Variants in TRAPPC9 observed in about 807,000 individuals in gnomAD.
TRAPPC9 encodes the protein trafficking protein particle complex subunit 9, also known as IKK2 binding protein.
TRAPPC9 carries 83 observed loss-of-function variants against 124.0 expected under a neutral mutation model. The observed-to-expected ratio is 0.67, with a 90% confidence interval of 0.56 to 0.80. TRAPPC9 has a LOEUF of 0.80. TRAPPC9 is among the 30% of genes least tolerant of loss of function. The probability of loss-of-function intolerance (pLI) is 0.00; values close to 1 mark genes in which losing one functional copy is unlikely to be tolerated. For synonymous variants in TRAPPC9, 638 were observed against 617.5 expected, an observed-to-expected ratio of 1.03 and a Z score of -0.49; for missense variants, 1,302 against 1,508.3, an observed-to-expected ratio of 0.86 and a Z score of 2.27.
rs112345901 is a variant in TRAPPC9, at chr8:140,452,277, C to A, written c.-10-894G>T. On this transcript the variant is annotated intron_variant, in intron 1 of 22. Coordinates refer to ENST00000438773, the MANE Select transcript of TRAPPC9 (RefSeq NM_001160372.4). ...TTACTAAAAATACAAAAAATTAGCC[C>A]GGCGTGGTGGCAGGCACCTGTAGTC... 6.2e-3 allele frequency among the ~76,000 whole-genome samples: 927 copies of A among 149,282 alleles called. 8 individuals carry two copies. The highest frequency in any genetic ancestry group is 0.022 in the African/African-American group (880 of 40,558).
intron 17 of TRAPPC9, among the ~76,000 whole-genome samples, chr8:140,085,471 CTCTT>C (rs1239981810): frequency 2.0e-5 from 3 of 152,146 alleles, no homozygotes; most frequent in Non-Finnish European, 2.9e-5. Context: ...CATGCAGAAG[CTCTT>C]TCTGTTGTGA....
At chr8:140,408,793 G>C (rs1741878953) in intron 5 of TRAPPC9, among the ~76,000 whole-genome samples, 1 of 135,424 alleles carries the variant, frequency 7.4e-6, no homozygotes, top group Admixed American at 8.0e-5. Context: ...ACACCTGAGT[G>C]GCCATTTGGA....
chr8:140,068,708 T>C (rs1389468464), intron 17 of TRAPPC9, among the ~76,000 whole-genome samples: 1 of 152,214 alleles, frequency 6.6e-6, no homozygotes, highest in African/African-American at 2.4e-5. Context: ...AATCAAAGCC[T>C]AATTAGTTTA....
intron 17 of TRAPPC9, among the ~76,000 whole-genome samples, chr8:140,161,586 G>A (rs1329779076): frequency 6.6e-6 from 1 of 152,112 alleles, no homozygotes; most frequent in African/African-American, 2.4e-5. Flanking sequence ...ACAAAGTCTT[G>A]ACTGCATTTT....
intron 21 of TRAPPC9, among the ~76,000 whole-genome samples, chr8:139,884,828 G>A (rs1829896590): frequency 6.6e-6 from 1 of 152,210 alleles, no homozygotes; most frequent in East Asian, 1.9e-4. Flanking sequence ...AGTGTAAAAT[G>A]GAAACCCATA....
At chr8:140,421,027 A>G (rs2070183761) in intron 5 of TRAPPC9, among the ~76,000 whole-genome samples, 1 of 152,206 alleles carries the variant, frequency 6.6e-6, no homozygotes, top group African/African-American at 2.4e-5. Context: ...ACTTAAGGCC[A>G]GGAGTTCAAG....
In TRAPPC9 at chr8:139,731,103, G is replaced by C; in HGVS notation, c.3405C>G (p.Cys1135Trp). The part of the protein sequence containing the change: ...TSKELPPSWF[C>W]LPSVHVCALE... ...GGGCACACACGTGCACACTGGGCAG[G>C]CAGAACCAAGAGGGTGGCAGCTCCT... Residue 1135 changes from cysteine (C) to tryptophan (W), a missense_variant, in exon 23 of 23, where the codon TGC becomes TGG. Cys to Trp is a radical substitution (Grantham distance 215, BLOSUM62 -2). Coordinates refer to ENST00000438773, the MANE Select transcript of TRAPPC9 (RefSeq NM_001160372.4). 2 of 1,613,802 alleles carry C rather than the reference G, an allele frequency of 1.2e-6. No individual in the cohort carries two copies. Among genetic ancestry groups the C allele is most frequent in the Non-Finnish European group, 1.7e-6 (2 of 1,180,028 alleles).
intron 9 of TRAPPC9, among the ~76,000 whole-genome samples, chr8:140,345,341 C>A (rs780995299): frequency 4.6e-5 from 7 of 152,174 alleles, no homozygotes; most frequent in Non-Finnish European, 1.0e-4. Flanking sequence ...CAAGGAAAGG[C>A]AGGAGCCATC....
intron 17 of TRAPPC9, among the ~76,000 whole-genome samples, chr8:140,028,106 C>T (rs1354428580): frequency 6.6e-6 from 1 of 152,022 alleles, no homozygotes; most frequent in Non-Finnish European, 1.5e-5. Context: ...AAGGCCTCCT[C>T]AGTCTTTTAA....
chr8:139,846,244 C>G (rs540951591), intron 21 of TRAPPC9, among the ~76,000 whole-genome samples: 4 of 152,378 alleles, frequency 2.6e-5, no homozygotes, highest in African/African-American at 9.6e-5. Flanking sequence ...TGGCTCCCCA[C>G]TGAACCCGAT....
intron 19 of TRAPPC9, among the ~76,000 whole-genome samples, chr8:139,927,931 AG>A (rs1832906334): frequency 6.6e-6 from 1 of 152,208 alleles, no homozygotes. Context: ...GAAGCACGCC[AG>A]GGGTTGCTGT....
intron 21 of TRAPPC9, among the ~76,000 whole-genome samples, chr8:139,799,736 A>T (rs960341736): frequency 6.6e-6 from 1 of 152,156 alleles, no homozygotes; most frequent in Non-Finnish European, 1.5e-5. Context: ...AGAATGTCCT[A>T]CCCCGGCCTG....
chr8:139,789,470 T>A (rs1162032478), intron 21 of TRAPPC9, among the ~76,000 whole-genome samples: 3 of 150,958 alleles, frequency 2.0e-5, no homozygotes, highest in African/African-American at 7.3e-5. Context: ...TGTGGCCTCA[T>A]CCCCCCCCAG....
At chr8:140,212,134 C>T (rs1711752142) in intron 17 of TRAPPC9, among the ~76,000 whole-genome samples, 1 of 152,244 alleles carries the variant, frequency 6.6e-6, no homozygotes, top group South Asian at 2.1e-4. Context: ...TGCAAGAAGA[C>T]ACGCCTCATC....
At chr8:140,365,428 A>C (rs1044464015) in intron 8 of TRAPPC9, among the ~76,000 whole-genome samples, 1 of 152,232 alleles carries the variant, frequency 6.6e-6, no homozygotes, top group Non-Finnish European at 1.5e-5. Context: ...GAGGTTACGC[A>C]TGTGAAGCCA....
chr8:140,379,387 G>T (rs1010040213), intron 7 of TRAPPC9, among the ~76,000 whole-genome samples: 1 of 152,158 alleles, frequency 6.6e-6, no homozygotes, highest in African/African-American at 2.4e-5. Flanking sequence ...TCTCCTGCCT[G>T]GTTTCCTGGC....
intron 17 of TRAPPC9, among the ~76,000 whole-genome samples, chr8:140,033,972 G>A (rs1840719820): frequency 6.6e-6 from 1 of 152,116 alleles, no homozygotes; most frequent in Non-Finnish European, 1.5e-5. Context: ...ATGAGCCACT[G>A]TGCCCAGCCC....
chr8:140,088,198 T>C (rs1359067224), intron 17 of TRAPPC9, among the ~76,000 whole-genome samples: 1 of 152,162 alleles, frequency 6.6e-6, no homozygotes, highest in Non-Finnish European at 1.5e-5. Flanking sequence ...CCTCTCCTCA[T>C]TAGAATATAA....
intron 16 of TRAPPC9, among the ~76,000 whole-genome samples, chr8:140,236,355 T>C (rs548323002): frequency 2.0e-5 from 3 of 152,336 alleles, no homozygotes; most frequent in East Asian, 1.9e-4. Context: ...AGTGCTGGGA[T>C]TGCAGGCGTG....
Sources: allele counts gnomAD v4.1 joint callset (sites outside exome capture counted in the v4.1 genomes callset), GRCh38; gene constraint gnomAD v4.1.1; transcripts MANE v1.5; gene names NCBI Gene and HGNC (gene_info 2026-07-23, HGNC 2026-07-21).